PPARGC1A: variants seen among roughly 807,000 people sequenced by gnomAD.
PPARGC1A encodes peroxisome proliferator-activated receptor gamma coactivator 1-alpha.
A neutral mutation model predicts 88.7 loss-of-function variants in PPARGC1A; 25 were observed. The ratio of observed to expected loss-of-function variants is 0.28; its 90% CI spans 0.21 to 0.39. The LOEUF is 0.39. Among genes scored for constraint, PPARGC1A ranks in the 10% least tolerant of loss-of-function variants. The probability of loss-of-function intolerance (pLI) is 1.00; values close to 1 mark genes in which losing one functional copy is unlikely to be tolerated. For missense variants in PPARGC1A, 880 were observed against 968.7 expected, an observed-to-expected ratio of 0.91 and a Z score of 1.22; for synonymous variants, 363 against 355.6, an observed-to-expected ratio of 1.02 and a Z score of -0.24.
Position 23,842,842 on chromosome 4 carries a change from AG to A in PPARGC1A, c.235-11092del, listed in dbSNP as rs575701513. 6.3e-3 allele frequency among the ~76,000 whole-genome samples: 960 copies of A among 152,266 alleles called. 10 individuals carry two copies. The highest frequency in any genetic ancestry group is 0.022 in the African/African-American group (917 of 41,562). ...GTAATTTGCTGTTTTGTGGCTGTTG[AG>A]TAGTGTGTAAATCAAGTTGAAATGT... is the stretch of plus-strand genomic sequence containing the variant. On this transcript the variant is annotated intron_variant, in intron 2 of 12. Coordinates refer to ENST00000264867, the MANE Select transcript of PPARGC1A (RefSeq NM_013261.5).
chr4:24,315,186 A>G, the PPARGC1A span, among the ~76,000 whole-genome samples: 2 of 151,678 alleles, frequency 1.3e-5, no homozygotes, highest in Non-Finnish European at 3.0e-5. Context: ...TAACTTGCTT[A>G]CTAATTCTAA....
At chr4:24,463,660 A>G in the PPARGC1A span, among the ~76,000 whole-genome samples, 1 of 152,244 alleles carries the variant, frequency 6.6e-6, no homozygotes, top group Non-Finnish European at 1.5e-5. Context: ...ATGAGGATCT[A>G]GAATTGAAGA....
At chr4:23,858,688 G>C (rs1280631684) in intron 2 of PPARGC1A, among the ~76,000 whole-genome samples, 2 of 152,136 alleles carry the variant, frequency 1.3e-5, no homozygotes, top group African/African-American at 4.8e-5. Context: ...TGTGAATATT[G>C]GAAGTCTGTC....
chr4:24,084,943 T>C, the PPARGC1A span, among the ~76,000 whole-genome samples: 9 of 152,212 alleles, frequency 5.9e-5, no homozygotes, highest in Non-Finnish European at 1.2e-4. Flanking sequence ...CATCATCCTC[T>C]TGACATAAAA....
At chr4:24,304,317 GACTTATTATA>G in the PPARGC1A span, among the ~76,000 whole-genome samples, 2 of 152,174 alleles carry the variant, frequency 1.3e-5, no homozygotes, top group Non-Finnish European at 2.9e-5. Flanking sequence ...CTTGTTAAGA[GACTTATTATA>G]ACTTATTATA....
chr4:23,820,653 A>C (rs1206921368), intron 7 of PPARGC1A: 1 of 441,144 alleles, frequency 2.3e-6, no homozygotes, highest in African/African-American at 2.0e-5. Context: ...AAAAGAGAAG[A>C]GTTTTTTTAT....
chr4:24,297,123 G>A, the PPARGC1A span, among the ~76,000 whole-genome samples: 1 of 152,106 alleles, frequency 6.6e-6, no homozygotes, highest in African/African-American at 2.4e-5. Flanking sequence ...CGAAGCTAGT[G>A]CATTAGAAGA....
At chr4:24,047,231 C>G in the PPARGC1A span, among the ~76,000 whole-genome samples, 1 of 152,104 alleles carries the variant, frequency 6.6e-6, no homozygotes, top group Non-Finnish European at 1.5e-5. Context: ...TCCCTATTTG[C>G]CTGATTTATT....
chr4:24,236,452 C>T, the PPARGC1A span, among the ~76,000 whole-genome samples: 3 of 152,208 alleles, frequency 2.0e-5, no homozygotes, highest in South Asian at 4.2e-4. Flanking sequence ...ATGCCATGTG[C>T]GAGGCTCTGT....
chr4:24,154,474 A>G, the PPARGC1A span, among the ~76,000 whole-genome samples: 1 of 152,210 alleles, frequency 6.6e-6, no homozygotes, highest in Non-Finnish European at 1.5e-5. Flanking sequence ...AAACATAGGA[A>G]AAAATGCTAT....
chr4:24,265,804 A>C, the PPARGC1A span, among the ~76,000 whole-genome samples: 2 of 152,112 alleles, frequency 1.3e-5, no homozygotes, highest in African/African-American at 4.8e-5. Flanking sequence ...TTGCAGAAAG[A>C]AAGAATCCTT....
upstream of PPARGC1A, among the ~76,000 whole-genome samples, chr4:23,891,847 C>T (rs189726094): frequency 1.3e-3 from 199 of 152,298 alleles, no homozygotes; most frequent in Non-Finnish European, 2.6e-3. Context: ...CATTACTCTG[C>T]ACTCCCCACA....
the PPARGC1A span, among the ~76,000 whole-genome samples, chr4:24,424,258 C>CTTTTTTTT: frequency 1.9e-3 from 83 of 44,346 alleles, 22 homozygotes; most frequent in South Asian, 5.2e-3. Context: ...TATACACACA[C>CTTTTTTTT]TTTTTTTTTT....
chr4:24,299,383 G>C, the PPARGC1A span, among the ~76,000 whole-genome samples: 1 of 152,100 alleles, frequency 6.6e-6, no homozygotes, highest in Admixed American at 6.6e-5. Context: ...TCTATGTCTT[G>C]TGCATGAGCC....
intron 2 of PPARGC1A, among the ~76,000 whole-genome samples, chr4:23,851,002 G>A (rs532917927): frequency 1.3e-5 from 2 of 152,220 alleles, no homozygotes; most frequent in Admixed American, 1.3e-4. Context: ...GAATATTCTA[G>A]AAAAAATGTC....
chr4:24,234,738 T>C, the PPARGC1A span, among the ~76,000 whole-genome samples: 27 of 152,198 alleles, frequency 1.8e-4, no homozygotes, highest in Non-Finnish European at 3.8e-4. Context: ...GGGAAAGTAA[T>C]GTATCCTGTT....
chr4:24,061,702 C>T, the PPARGC1A span, among the ~76,000 whole-genome samples: 4 of 152,194 alleles, frequency 2.6e-5, no homozygotes, highest in Admixed American at 2.6e-4. Context: ...ATCCTAGCCT[C>T]TGTGGCCTTT....
At chr4:24,173,196 G>T in the PPARGC1A span, among the ~76,000 whole-genome samples, 6,661 of 152,130 alleles carry the variant, frequency 0.044, 498 homozygotes, top group African/African-American at 0.15. Context: ...TTCTGACATT[G>T]TTGAAGGATT....
At chr4:23,999,709 A>C in the PPARGC1A span, among the ~76,000 whole-genome samples, 1 of 152,204 alleles carries the variant, frequency 6.6e-6, no homozygotes. Flanking sequence ...AGATATCCTA[A>C]GCTTATTGAA....
Sources: allele counts gnomAD v4.1 joint callset (sites outside exome capture counted in the v4.1 genomes callset), GRCh38; gene constraint gnomAD v4.1.1; transcripts MANE v1.5; gene names NCBI Gene and HGNC (gene_info 2026-07-23, HGNC 2026-07-21).